SLC39A11: variants seen among roughly 807,000 people sequenced by gnomAD.
SLC39A11 encodes the protein zinc transporter ZIP11.
SLC39A11 carries 33 observed loss-of-function variants against 36.1 expected under a neutral mutation model. The ratio of observed to expected loss-of-function variants is 0.91; its 90% CI spans 0.69 to 1.22. SLC39A11 has a LOEUF of 1.22. Ranked by LOEUF, SLC39A11 falls within the 50% of genes most tolerant of loss-of-function variation. The probability of loss-of-function intolerance (pLI) is 0.00; values close to 1 mark genes in which losing one functional copy is unlikely to be tolerated. For synonymous variants in SLC39A11, 166 were observed against 170.3 expected, an observed-to-expected ratio of 0.97 and a Z score of 0.20; for missense variants, 432 against 430.3, an observed-to-expected ratio of 1.00 and a Z score of -0.03.
intron 3 of SLC39A11, among the ~76,000 whole-genome samples, chr17:73,082,353 A>G (rs2060570477): frequency 6.6e-6 from 1 of 152,082 alleles, no homozygotes; most frequent in South Asian, 2.1e-4. Flanking sequence ...TTTGAAATGT[A>G]TATGTTAGTG....
chr17:72,870,328 A>AC (rs59647488), intron 5 of SLC39A11, among the ~76,000 whole-genome samples: 151,287 of 152,320 alleles, frequency 0.99, 75,132 homozygotes, highest in East Asian at 1. Context: ...AGATTTAGGT[A>AC]TGCTGTCCCA....
intron 4 of SLC39A11, among the ~76,000 whole-genome samples, chr17:72,977,686 C>T (rs78403997): frequency 0.01 from 1,570 of 152,252 alleles, 18 homozygotes; most frequent in Non-Finnish European, 0.013. Context: ...GAAGTGCTAG[C>T]ACCTTCCATA....
At chr17:73,070,231 T>C (rs2060122117) in intron 3 of SLC39A11, among the ~76,000 whole-genome samples, 1 of 152,176 alleles carries the variant, frequency 6.6e-6, no homozygotes, top group Admixed American at 6.5e-5. Flanking sequence ...CAGTATCCCA[T>C]GACCGACTGG....
At chr17:72,820,444 C>T (rs2077732486) in intron 6 of SLC39A11, among the ~76,000 whole-genome samples, 1 of 151,184 alleles carries the variant, frequency 6.6e-6, no homozygotes, top group South Asian at 2.1e-4. Flanking sequence ...TCTCCTCTCT[C>T]CTTTGCTGAG....
chr17:72,955,622 T>C (rs146204265), intron 4 of SLC39A11, among the ~76,000 whole-genome samples: 211 of 152,142 alleles, frequency 1.4e-3, no homozygotes, highest in African/African-American at 4.7e-3. Flanking sequence ...TTTTCAGTTT[T>C]CTTAAGCATC....
At chr17:72,791,693 C>T (rs887445245) in intron 6 of SLC39A11, among the ~76,000 whole-genome samples, 1 of 152,142 alleles carries the variant, frequency 6.6e-6, no homozygotes, top group African/African-American at 2.4e-5. Context: ...GGAGGGAGCT[C>T]GTGAGAGGTG....
intron 6 of SLC39A11, chr17:72,838,085 GC>G: frequency 1.4e-6 from 1 of 717,128 alleles, no homozygotes; most frequent in South Asian, 7.2e-5. Flanking sequence ...GCAGTTCGAG[GC>G]CACCCTGGCC....
chr17:72,704,860 C>T (rs929848190), intron 7 of SLC39A11, among the ~76,000 whole-genome samples: 5 of 152,144 alleles, frequency 3.3e-5, no homozygotes, highest in Non-Finnish European at 7.3e-5. Flanking sequence ...GAGTAAGTGG[C>T]CCAAGTTGGT....
At position 73,080,781 on chromosome 17, in the gene SLC39A11, C is replaced by G. The variant is rs183783784; in HGVS notation, c.147+4027G>C. On this transcript the variant is annotated intron_variant, in intron 3 of 9. Transcript: ENST00000255559. Reference sequence around the variant, plus strand: ...CCAACATGGTGAAACTCCGTCTCTACTGAAAATACAAAAAATAGCCAGGCA... The same window carrying G: ...CCAACATGGTGAAACTCCGTCTCTAGTGAAAATACAAAAAATAGCCAGGCA... Among the ~76,000 whole-genome samples the G allele has an allele frequency of 3.1e-3, 473 of 151,886 alleles. 3 individuals are homozygous for G. Among genetic ancestry groups the G allele is most frequent in the African/African-American group, 0.011 (444 of 41,410 alleles).
intron 5 of SLC39A11, among the ~76,000 whole-genome samples, chr17:72,863,541 C>T (rs539716144): frequency 3.9e-5 from 6 of 152,248 alleles, no homozygotes; most frequent in African/African-American, 9.6e-5. Flanking sequence ...CAGACACAGC[C>T]GCCTGTCACG....
intron 4 of SLC39A11, among the ~76,000 whole-genome samples, chr17:73,027,058 G>A (rs190963157): frequency 6.6e-6 from 1 of 152,262 alleles, no homozygotes; most frequent in Admixed American, 6.5e-5. Context: ...GGAGGTCAAG[G>A]CTACAGTAAG....
chr17:72,801,804 T>TA (rs965731709), intron 6 of SLC39A11, among the ~76,000 whole-genome samples: 3 of 152,180 alleles, frequency 2.0e-5, no homozygotes, highest in African/African-American at 7.2e-5. Flanking sequence ...ATAAATTTAC[T>TA]AAAAATCATA....
At chr17:72,662,010 C>A (rs2070445918) in intron 7 of SLC39A11, among the ~76,000 whole-genome samples, 1 of 152,180 alleles carries the variant, frequency 6.6e-6, no homozygotes. Flanking sequence ...AGTGTCCCAG[C>A]AAAGCAAACC....
intron 4 of SLC39A11, among the ~76,000 whole-genome samples, chr17:72,963,510 C>A (rs12938091): frequency 0.029 from 4,361 of 149,886 alleles, 94 homozygotes; most frequent in Middle Eastern, 0.044. Flanking sequence ...CAGATCTCCA[C>A]CTACCACCAC....
intron 6 of SLC39A11, among the ~76,000 whole-genome samples, chr17:72,737,272 T>C (rs549714982): frequency 3.8e-4 from 31 of 82,312 alleles, no homozygotes; most frequent in Non-Finnish European, 7.2e-4. Context: ...TGAGACTCTG[T>C]CTCAAAAAAA....
chr17:72,784,103 G>A (rs1227436857), intron 6 of SLC39A11, among the ~76,000 whole-genome samples: 2 of 152,168 alleles, frequency 1.3e-5, no homozygotes, highest in Non-Finnish European at 2.9e-5. Flanking sequence ...CCAGCACTTT[G>A]GGAGGCCGAG....
chr17:72,956,417 T>A (rs1047039334), intron 4 of SLC39A11, among the ~76,000 whole-genome samples: 1 of 152,210 alleles, frequency 6.6e-6, no homozygotes, highest in Non-Finnish European at 1.5e-5. Flanking sequence ...TAAGCAGCCC[T>A]GAGCTTGTAT....
chr17:73,060,210 C>CAAAAAAAAAA (rs33931672), intron 3 of SLC39A11, among the ~76,000 whole-genome samples: 85 of 70,200 alleles, frequency 1.2e-3, no homozygotes, highest in East Asian at 1.4e-3. Context: ...AACTCCATCT[C>CAAAAAAAAAA]AAAAAAAAAA....
At chr17:72,670,176 C>T (rs1265191628) in intron 7 of SLC39A11, among the ~76,000 whole-genome samples, 2 of 66,002 alleles carry the variant, frequency 3.0e-5, no homozygotes, top group Non-Finnish European at 6.2e-5. Flanking sequence ...CACACACACA[C>T]ACACACACAC....
Sources: allele counts gnomAD v4.1 joint callset (sites outside exome capture counted in the v4.1 genomes callset), GRCh38; gene constraint gnomAD v4.1.1; transcripts MANE v1.5; gene names NCBI Gene and HGNC (gene_info 2026-07-23, HGNC 2026-07-21).